Variants in TECPR1 observed in about 807,000 individuals in gnomAD.
TECPR1 encodes tectonin beta-propeller repeat-containing protein 1.
In TECPR1, 122 loss-of-function variants were observed where a neutral mutation model predicts 162.4. That is an observed-to-expected ratio of 0.75 (90% confidence interval 0.65 to 0.87). The LOEUF (loss-of-function observed/expected upper bound fraction) is 0.87, where lower values mean the gene tolerates loss of function less well. Ranked by LOEUF, TECPR1 falls within the 40% of genes least tolerant of loss-of-function variation. The probability of loss-of-function intolerance (pLI) is 0.00; values close to 1 mark genes in which losing one functional copy is unlikely to be tolerated. For missense variants in TECPR1, 1,432 were observed against 1,618.2 expected (o/e 0.88, Z 1.97); for synonymous variants, 642 against 670.6 (o/e 0.96, Z 0.66).
At chr7:98,228,362 A>G in intron 16 of TECPR1, 1 of 497,052 alleles carries the variant, frequency 2.0e-6, no homozygotes, top group Non-Finnish European at 3.7e-6. Flanking sequence ...TGTGCATTAA[A>G]TCTCCCATCC....
chr7:98,216,077 A>C lies in TECPR1; in HGVS notation c.*1313T>G, dbSNP rs865897613. The C allele has an allele frequency of 6.6e-6, 1 of 152,260 alleles. No individual in the cohort carries two copies. Among genetic ancestry groups the C allele is most frequent in the African/African-American group, 2.4e-5 (1 of 41,452 alleles). The allele number at this position is 152,260 out of a possible 1,614,324, so 9.4% of individuals were successfully genotyped here. On this transcript the variant is annotated 3_prime_UTR_variant, in exon 26 of 26. Coordinates refer to ENST00000447648, the MANE Select transcript of TECPR1 (RefSeq NM_015395.3). ...GTTGGGCTCTGATGACCTCCCGGGC[A>C]AAGTGTCCAGGTGGAGGAAGCAAAC...
At chr7:98,245,138 T>C in intron 3 of TECPR1, 71 bp from the exon 4 acceptor site, 2 of 1,512,030 alleles carry the variant, frequency 1.3e-6, no homozygotes, top group Admixed American at 3.9e-5. Flanking sequence ...GGGCCAGGCA[T>C]CTCCAGGACC....
intron 23 of TECPR1, among the ~76,000 whole-genome samples, chr7:98,219,798 G>C (rs1458839030): frequency 6.6e-6 from 1 of 152,008 alleles, no homozygotes; most frequent in Non-Finnish European, 1.5e-5. Flanking sequence ...CTACTCGGGA[G>C]GCTGAGGTAG....
chr7:98,222,469 A>C lies in TECPR1; in HGVS notation c.2981T>G (p.Ile994Ser). The change falls in exon 22 of 26, where the codon ATC becomes AGC. Residue 994 changes from isoleucine (I) to serine (S), a missense_variant. Transcript: ENST00000447648. The stretch of plus-strand genomic sequence containing the variant: ...GGCCCACACCTGGTAGCAGGCCCCG[A>C]TGGAGATGGAGGCGAAGGGCTGGTC... ...GTDQPFASIS[I>S]GACYQVWAVA... 1.3e-6 allele frequency: 2 copies of C among 1,595,240 alleles called. No individual in the cohort carries two copies. Among genetic ancestry groups the C allele is most frequent in the Non-Finnish European group, 1.7e-6 (2 of 1,171,978 alleles).
intron 2 of TECPR1, 25 bp from the exon 3 acceptor site, chr7:98,246,190 C>T (rs1297947271): frequency 1.6e-5 from 23 of 1,474,420 alleles, no homozygotes; most frequent in African/African-American, 2.8e-5. Flanking sequence ...CGAGGGCCAG[C>T]GTTCAGGCTC....
At chr7:98,242,751 ACACCCACCCACCCATC>A (rs1244224046) in intron 6 of TECPR1, among the ~76,000 whole-genome samples, 1 of 66,756 alleles carries the variant, frequency 1.5e-5, no homozygotes, top group Non-Finnish European at 2.9e-5. Context: ...ATCCATCTAC[ACACCCACCCACCCATC>A]CACCCACCCA....
At position 98,231,090 on chromosome 7, in the gene TECPR1, T is replaced by TCGC. The variant is rs1798420841; in HGVS notation, c.2150_2152dup (p.Cys717_Glu718insGly). ...CGGGCGGCCCTGCACCTTCCGGCTC[T>TCGC]CGCAGCAAGACAGGCTGAGCAGGGC... is the stretch of plus-strand genomic sequence containing the variant. On this transcript the variant is annotated inframe_insertion, in exon 15 of 26. Transcript: ENST00000447648. The TCGC allele has an allele frequency of 6.2e-7, 1 of 1,604,494 alleles. No individual in the cohort carries two copies. The highest frequency in any genetic ancestry group is 1.1e-5 in the South Asian group (1 of 89,822).
At chr7:98,239,262 G>A (rs1288875231) in intron 8 of TECPR1, among the ~76,000 whole-genome samples, 2 of 152,204 alleles carry the variant, frequency 1.3e-5, no homozygotes, top group African/African-American at 4.8e-5. Flanking sequence ...TAGAATGCCT[G>A]AGATGCTGCC....
chr7:98,217,720 T>C lies in TECPR1; in HGVS notation c.3356A>G (p.Lys1119Arg). Residue 1119 changes from lysine (K) to arginine (R), a missense_variant, in exon 25 of 26, where the codon AAG becomes AGG. Physicochemically the swap from Lys to Arg is conservative, Grantham distance 26. Coordinates refer to ENST00000447648, the MANE Select transcript of TECPR1 (RefSeq NM_015395.3). ...GATGCCGTAGTCCCAGCCGTGGCCC[T>C]TGGGCTCGTGAGGCTGCACGCCGGT... ...HRTGVQPHEP[K>R]GHGWDYGIGG... 2 of 1,549,110 alleles carry C rather than the reference T, an allele frequency of 1.3e-6. No individual in the cohort carries two copies. The highest frequency in any genetic ancestry group is 1.2e-5 in the South Asian group (1 of 83,978).
rs1386451653 is a variant in TECPR1, at chr7:98,236,813, C to A, written c.1144G>T (p.Asp382Tyr). The change falls in exon 10 of 26, where the codon GAC becomes TAC. Residue 382 changes from aspartate (D) to tyrosine (Y), a missense_variant. Coordinates refer to ENST00000447648, the MANE Select transcript of TECPR1 (RefSeq NM_015395.3). ...GACGAGCTGCCAGAGTGTGACCGGT[C>A]ACACTCTCGGGCCGCGATGATGGCT... ...WKAIIAAREC[D>Y]RSHSGSSSSL... 6.3e-7 allele frequency: 1 copy of A among 1,589,302 alleles called. No individual in the cohort carries two copies.
intron 19 of TECPR1, 39 bp downstream of exon 19, chr7:98,224,762 A>G (rs927948501): frequency 7.1e-6 from 11 of 1,540,818 alleles, no homozygotes; most frequent in Non-Finnish European, 9.7e-6. Context: ...CCTGACATTC[A>G]GGACCCAGCC....
Position 98,244,942 on chromosome 7 carries a change from C to G in TECPR1, c.351G>C (p.Glu117Asp). The G allele has an allele frequency of 6.2e-7, 1 of 1,613,084 alleles. No homozygotes were observed. The highest frequency in any genetic ancestry group is 8.5e-7 in the Non-Finnish European group (1 of 1,179,876). ...CATCCACGTACCAGTCAGACTCCCA[C>G]TCCCAGTGCGGCGAGGGCAGTGCCA... is the stretch of plus-strand genomic sequence containing the variant. ...DRVALPSPHWEWESDWYVDEN... is the reference protein window; with the variant it reads ...DRVALPSPHWDWESDWYVDEN... Residue 117 changes from glutamate (E) to aspartate (D), a missense_variant, in exon 4 of 26, where the codon GAG becomes GAC. Transcript: ENST00000447648.
rs1472635536 is a variant in TECPR1, at chr7:98,236,777, TGAG to T, written c.1177_1179del (p.Leu393del). The T allele has an allele frequency of 1.8e-5, 29 of 1,594,754 alleles. No homozygotes were observed. The highest frequency in any genetic ancestry group is 4.1e-5 in the African/African-American group (3 of 72,778). On this transcript the variant is annotated inframe_deletion and splice_region_variant, in exon 10 of 26. Coordinates refer to ENST00000447648, the MANE Select transcript of TECPR1 (RefSeq NM_015395.3). ...GCGCACCCTGCCACCCCCAGTCACC[TGAG>T]GAGACTAGACGAGCTGCCAGAGTGT...
intron 23 of TECPR1, among the ~76,000 whole-genome samples, chr7:98,218,790 TATC>T (rs1226204100): frequency 6.6e-6 from 1 of 152,134 alleles, no homozygotes; most frequent in Non-Finnish European, 1.5e-5. Flanking sequence ...GAAGAATCAA[TATC>T]ATGAAAATGA....
rs1478013455 is a variant in TECPR1 at position 98,227,996 on chromosome 7, G to A, written c.2513+18C>T. On this transcript the variant is annotated intron_variant, in intron 17 of 25. Coordinates refer to ENST00000447648, the MANE Select transcript of TECPR1 (RefSeq NM_015395.3). ...CCTATGCCAGGCAGCATCCTGGCCG[G>A]GCACCTGTGCCACTTACCTGCTGGT... The A allele has an allele frequency of 1.9e-6, 3 of 1,603,988 alleles. No individual in the cohort carries two copies. Among genetic ancestry groups the A allele is most frequent in the Non-Finnish European group, 2.6e-6 (3 of 1,174,764 alleles).
intron 2 of TECPR1, among the ~76,000 whole-genome samples, chr7:98,249,505 G>A (rs1799007058): frequency 6.6e-6 from 1 of 152,168 alleles, no homozygotes; most frequent in South Asian, 2.1e-4. Flanking sequence ...GTGCCTCACT[G>A]ATCAGGACTG....
chr7:98,242,931 C>T (rs991200133), intron 6 of TECPR1, among the ~76,000 whole-genome samples: 1 of 10,212 alleles, frequency 9.8e-5, no homozygotes, highest in Non-Finnish European at 4.7e-4. Context: ...CACCCATCCG[C>T]CCATCCACAC....
rs1238244100 is a variant in TECPR1, at chr7:98,217,043, G to A, written c.*347C>T. 4.3e-6 allele frequency: 1 copy of A among 231,672 alleles called. No homozygotes were observed. The allele number at this position is 231,672 out of a possible 1,614,324, so 14.4% of individuals were successfully genotyped here. On this transcript the variant is annotated 3_prime_UTR_variant, in exon 26 of 26. Coordinates refer to ENST00000447648, the MANE Select transcript of TECPR1 (RefSeq NM_015395.3). ...TCCATCCTGGCTCTGCTGCCCCAGG[G>A]CCGGCGTTCCCGGAGGGCTCCAGGT...
At chr7:98,236,695 C>T in intron 10 of TECPR1, 81 bp downstream of exon 10, 2 of 1,519,162 alleles carry the variant, frequency 1.3e-6, no homozygotes, top group Non-Finnish European at 1.8e-6. Flanking sequence ...GGGCAGGTGG[C>T]AGCCTCTTCT....
Sources: allele counts gnomAD v4.1 joint callset (sites outside exome capture counted in the v4.1 genomes callset), GRCh38; gene constraint gnomAD v4.1.1; transcripts MANE v1.5; gene names NCBI Gene and HGNC (gene_info 2026-07-23, HGNC 2026-07-21).